The following SIRPA variants were observed in gnomAD, a reference collection of about 807,000 sequenced individuals.
SIRPA encodes tyrosine-protein phosphatase non-receptor type substrate 1.
SIRPA carries 9 observed loss-of-function variants against 50.3 expected under a neutral mutation model. The ratio of observed to expected loss-of-function variants is 0.18; its 90% CI spans 0.11 to 0.31. The LOEUF is 0.31. SIRPA is among the 10% of genes least tolerant of loss of function. The pLI is 1.00. For synonymous variants in SIRPA, 265 were observed against 284.1 expected (o/e 0.93, Z 0.68); for missense variants, 474 against 661.6 (o/e 0.72, Z 3.11).
chr20:1,904,720 G>A (rs996807800), intron 1 of SIRPA, among the ~76,000 whole-genome samples: 2 of 152,156 alleles, frequency 1.3e-5, no homozygotes, highest in Non-Finnish European at 1.5e-5. Context: ...GGGAGACCTG[G>A]AACCCACTCC....
chr20:1,924,765 G>A lies in SIRPA; in HGVS notation c.1089G>A (p.Glu363=), dbSNP rs753235283. Residue 363 remains glutamate (E), a splice_region_variant and synonymous_variant, in exon 5 of 8, where the codon GAG becomes GAA. Coordinates refer to ENST00000358771, the MANE Select transcript of SIRPA (RefSeq NM_001040023.2). This position sits in a 1 kb window ranked among gnomAD's most constrained non-coding sequence, Gnocchi z 4.5. ...PKEQGSNTAA[E]NTGSNERNIY... ...GCCTCTATTCCATGTGGTCCCTAGA[G>A]AACACTGGATCTAATGAACGGAACA... The A allele has an allele frequency of 4.3e-6, 7 of 1,613,666 alleles. No homozygotes were observed. The South Asian group carries it at 7.7e-5, about 18-fold the overall frequency.
rs1383410848 is a variant in SIRPA, at chr20:1,937,900, C to T, written c.*332C>T. 3.8e-5 allele frequency: 12 copies of T among 314,270 alleles called. No individual in the cohort carries two copies. The highest frequency in any genetic ancestry group is 3.5e-4 in the Admixed American group (8 of 22,592). The allele number at this position is 314,270 out of a possible 1,614,324, so 19.5% of individuals were successfully genotyped here. A position where few individuals can be genotyped will look rare whatever the true frequency, so the allele number is the denominator to read the frequency against. On this transcript the variant is annotated 3_prime_UTR_variant, in exon 8 of 8. Coordinates refer to ENST00000358771, the MANE Select transcript of SIRPA (RefSeq NM_001040023.2). This position sits in a 1 kb window ranked among gnomAD's most constrained non-coding sequence, Gnocchi z 8.3. ...TCACCATGTGGGTTTTGAAGACCCT[C>T]GACTGCCTCCCCGATGCTCCGAAGC... is the stretch of plus-strand genomic sequence containing the variant.
chr20:1,912,024 G>T (rs1056206452), intron 1 of SIRPA, among the ~76,000 whole-genome samples: 1 of 151,512 alleles, frequency 6.6e-6, no homozygotes, highest in Non-Finnish European at 1.5e-5. Flanking sequence ...CACTTACGTC[G>T]CACTTTTAAA....
At chr20:1,926,696 G>A (rs1985998922) in intron 5 of SIRPA, among the ~76,000 whole-genome samples, 1 of 152,204 alleles carries the variant, frequency 6.6e-6, no homozygotes, top group African/African-American at 2.4e-5. Flanking sequence ...TACAGATGAG[G>A]AAACTGAGGC....
In SIRPA at chr20:1,934,413, G is replaced by C. The variant is rs1264875282; in HGVS notation, c.1227-302G>C. 6.6e-6 allele frequency among the ~76,000 whole-genome samples: 1 copy of C among 152,122 alleles called. No individual in the cohort carries two copies. The highest frequency in any genetic ancestry group is 1.5e-5 in the Non-Finnish European group (1 of 68,004). On this transcript the variant is annotated intron_variant, in intron 6 of 7. Transcript: ENST00000358771. The surrounding 1 kb of genome is among the most constrained non-coding windows in gnomAD (Gnocchi z 4.6). ...TTGTACTGGTTTGCCTCTCCCACCA[G>C]TGACGTATGAAAGCTCCAGTTCATT... is the stretch of plus-strand genomic sequence containing the variant.
chr20:1,921,388 T>A lies in SIRPA; in HGVS notation c.437-7T>A, dbSNP rs1308439530. 6.2e-7 allele frequency: 1 copy of A among 1,612,600 alleles called. No homozygotes were observed. Among genetic ancestry groups the A allele is most frequent in the Non-Finnish European group, 8.5e-7 (1 of 1,178,670 alleles). On this transcript the variant is annotated splice_polypyrimidine_tract_variant and splice_region_variant and intron_variant, in intron 2 of 7. Transcript: ENST00000358771. ...ATGTCTCCTGATTATCGATGGTCCTTTTGTAGCCAAACCCTCTGCCCCCGT... is the reference window on the plus strand; with the variant it reads ...ATGTCTCCTGATTATCGATGGTCCTATTGTAGCCAAACCCTCTGCCCCCGT...
chr20:1,897,787 A>T lies in SIRPA; in HGVS notation c.79+2261A>T, dbSNP rs559083868. Among the ~76,000 whole-genome samples the T allele has an allele frequency of 7.0e-4, 106 of 152,336 alleles. 1 individual carries two copies. The highest frequency in any genetic ancestry group is 1.9e-4 in the Non-Finnish European group (13 of 68,030). On this transcript the variant is annotated intron_variant, in intron 1 of 7. Coordinates refer to ENST00000358771, the MANE Select transcript of SIRPA (RefSeq NM_001040023.2). ...AATTATCCTGGGTGGGGGAGGCAAG[A>T]GAAGAAGTTTCTAAAGATTGCTTTT...
At chr20:1,919,638 C>A (rs1985524164) in intron 2 of SIRPA, among the ~76,000 whole-genome samples, 1 of 152,114 alleles carries the variant, frequency 6.6e-6, no homozygotes, top group African/African-American at 2.4e-5. Flanking sequence ...TCCAATTCGG[C>A]CCCAGAACCC....
At chr20:1,907,908 C>G (rs1984641116) in intron 1 of SIRPA, among the ~76,000 whole-genome samples, 1 of 152,218 alleles carries the variant, frequency 6.6e-6, no homozygotes. Context: ...ACTGGTGCAG[C>G]CCCGGCCATG....
chr20:1,932,276 T>C lies in SIRPA; in HGVS notation c.1227-2439T>C, dbSNP rs917559564. Among the ~76,000 whole-genome samples, 1 of 151,902 alleles carries C rather than the reference T, an allele frequency of 6.6e-6. No individual in the cohort carries two copies. Among genetic ancestry groups the C allele is most frequent in the Non-Finnish European group, 1.5e-5 (1 of 67,970 alleles). On this transcript the variant is annotated intron_variant, in intron 6 of 7. Transcript: ENST00000358771. This position sits in a 1 kb window ranked among gnomAD's most constrained non-coding sequence, Gnocchi z 6.0. The stretch of plus-strand genomic sequence containing the variant: ...GCTGACTAGATAAAATGAAGCCAGG[T>C]ATGGGATAGAGCAGATCAAGGAGGT...
chr20:1,930,544 G>A (rs1234185775), intron 6 of SIRPA, among the ~76,000 whole-genome samples: 1 of 152,194 alleles, frequency 6.6e-6, no homozygotes, highest in African/African-American at 2.4e-5. Context: ...TGGCTACACA[G>A]CCCCATCTAG....
At chr20:1,911,894 A>T (rs1489959833) in intron 1 of SIRPA, among the ~76,000 whole-genome samples, 2 of 151,888 alleles carry the variant, frequency 1.3e-5, no homozygotes, top group Non-Finnish European at 2.9e-5. Context: ...AGTGATTTTT[A>T]ACAAGCCTGA....
intron 1 of SIRPA, among the ~76,000 whole-genome samples, chr20:1,900,087 G>C (rs1241742490): frequency 6.9e-6 from 1 of 145,978 alleles, no homozygotes; most frequent in Non-Finnish European, 1.5e-5. Flanking sequence ...TATTTTCCTT[G>C]TAGCTTTTTT....
Position 1,937,717 on chromosome 20 carries a change from C to G in SIRPA, c.*149C>G. ...GGGGCCAGGGTGGCTCTTCTCTCCCCACCCCTCCTTGGCTCTCCAGCACTT... is the reference window on the plus strand; with the variant it reads ...GGGGCCAGGGTGGCTCTTCTCTCCCGACCCCTCCTTGGCTCTCCAGCACTT... On this transcript the variant is annotated 3_prime_UTR_variant, in exon 8 of 8. Coordinates refer to ENST00000358771, the MANE Select transcript of SIRPA (RefSeq NM_001040023.2). This position sits in a 1 kb window ranked among gnomAD's most constrained non-coding sequence, Gnocchi z 8.3. 1.0e-6 allele frequency: 1 copy of G among 989,294 alleles called. No homozygotes were observed. The allele number at this position is 989,294 out of a possible 1,614,324, so 61.3% of individuals were successfully genotyped here. A position where few individuals can be genotyped will look rare whatever the true frequency, so the allele number is the denominator to read the frequency against.
chr20:1,904,496 C>T (rs1237196914), intron 1 of SIRPA, among the ~76,000 whole-genome samples: 1 of 152,144 alleles, frequency 6.6e-6, no homozygotes, highest in African/African-American at 2.4e-5. Flanking sequence ...GCCCTGTGAC[C>T]ATGGCCAAAT....
chr20:1,905,356 G>C (rs761932873), intron 1 of SIRPA, among the ~76,000 whole-genome samples: 77 of 152,306 alleles, frequency 5.1e-4, no homozygotes, highest in Non-Finnish European at 9.8e-4. Context: ...TCCAGTGTTG[G>C]AATCCCACCT....
rs2422665 is a variant in SIRPA at position 1,922,441 on chromosome 20, C to A, written c.883C>A (p.Arg295=). The A allele has an allele frequency of 1.4e-5, 23 of 1,614,096 alleles. No homozygotes were observed. Among genetic ancestry groups the A allele is most frequent in the East Asian group, 2.2e-5 (1 of 44,886 alleles). Residue 295 remains arginine, a synonymous_variant, in exon 4 of 8, where the codon CGG becomes AGG. Coordinates refer to ENST00000358771, the MANE Select transcript of SIRPA (RefSeq NM_001040023.2). ...CTGGTTGGAGAATGGAAACGTGTCC[C>A]GGACAGAAACGGCCTCAACCGTTAC... is the stretch of plus-strand genomic sequence containing the variant. ...LTWLENGNVS[R]TETASTVTEN...
Position 1,937,395 on chromosome 20 carries a change from A to G in SIRPA, c.1342A>G (p.Asn448Asp), listed in dbSNP as rs763076272. The G allele has an allele frequency of 1.2e-6, 2 of 1,614,094 alleles. No homozygotes were observed. The highest frequency in any genetic ancestry group is 2.2e-5 in the South Asian group (2 of 91,084). Residue 448 changes from asparagine to aspartate, a missense_variant, in exon 8 of 8, where the codon AAC becomes GAC. Asn to Asp is a conservative substitution (Grantham distance 23). This residue lies in a region of SIRPA where 180 missense variants were observed against 206.7 expected (regional missense o/e 0.87). Coordinates refer to ENST00000358771, the MANE Select transcript of SIRPA (RefSeq NM_001040023.2). The surrounding 1 kb of genome is among the most constrained non-coding windows in gnomAD (Gnocchi z 8.3). Reference sequence around the variant, plus strand: ...GCCTGCTCCCCAGGCTGCGGAGCCCAACAACCACACGGAGTATGCCAGCAT... The same window carrying G: ...GCCTGCTCCCCAGGCTGCGGAGCCCGACAACCACACGGAGTATGCCAGCAT... ...KKPAPQAAEPNNHTEYASIQT... is the reference protein window; with the variant it reads ...KKPAPQAAEPDNHTEYASIQT...
At position 1,938,771 on chromosome 20, in the gene SIRPA, C is replaced by G. The variant is rs189525439; in HGVS notation, c.*1203C>G. 1 of 152,460 alleles carries G rather than the reference C, an allele frequency of 6.6e-6. No homozygotes were observed. The allele number at this position is 152,460 out of a possible 1,614,324, so 9.4% of individuals were successfully genotyped here. A position where few individuals can be genotyped will look rare whatever the true frequency, so the allele number is the denominator to read the frequency against. On this transcript the variant is annotated 3_prime_UTR_variant, in exon 8 of 8. Coordinates refer to ENST00000358771, the MANE Select transcript of SIRPA (RefSeq NM_001040023.2). ...CTGCCTCTTGACAGTGCAGTCTTAT[C>G]GAGACCCAATGCCTCAGTCTGCTCA...
Sources: allele counts gnomAD v4.1 joint callset (sites outside exome capture counted in the v4.1 genomes callset), GRCh38; gene constraint gnomAD v4.1.1; regional missense constraint gnomAD v4.1.1; non-coding constraint Gnocchi (gnomAD v3.1); transcripts MANE v1.5; gene names NCBI Gene and HGNC (gene_info 2026-07-23, HGNC 2026-07-21).